Variants in MGAT4C observed in about 807,000 individuals in gnomAD.
MGAT4C encodes the protein MGAT4 family member C.
A neutral mutation model predicts 40.1 loss-of-function variants in MGAT4C; 19 were observed. That is an observed-to-expected ratio of 0.47 (90% CI 0.33 to 0.70). MGAT4C has a LOEUF of 0.70. Ranked by LOEUF, MGAT4C falls within the 30% of genes least tolerant of loss-of-function variation. The pLI is 0.02. For missense variants in MGAT4C, 491 were observed against 563.2 expected (o/e 0.87, Z 1.30); for synonymous variants, 181 against 187.1 (o/e 0.97, Z 0.27).
intron 2 of MGAT4C, among the ~76,000 whole-genome samples, chr12:86,660,296 G>A (rs755451307): frequency 1.5e-4 from 23 of 152,278 alleles, no homozygotes; most frequent in Non-Finnish European, 3.2e-4. Flanking sequence ...CCCCTAGATT[G>A]TACTGTGGAT....
At chr12:86,806,449 TGAGA>T (rs1555231911) in intron 1 of MGAT4C, among the ~76,000 whole-genome samples, 92 of 150,068 alleles carry the variant, frequency 6.1e-4, no homozygotes, top group African/African-American at 3.2e-4. Context: ...TGTGTGTGTG[TGAGA>T]GAGAGAGTAT....
intron 1 of MGAT4C, among the ~76,000 whole-genome samples, chr12:86,083,951 A>G (rs748630478): frequency 1.8e-4 from 27 of 152,178 alleles, no homozygotes; most frequent in Non-Finnish European, 3.5e-4. Context: ...ACTCATGTTG[A>G]ACAGAGGTGT....
intron 1 of MGAT4C, among the ~76,000 whole-genome samples, chr12:86,758,925 A>T (rs889139641): frequency 2.6e-5 from 4 of 152,052 alleles, no homozygotes; most frequent in African/African-American, 9.7e-5. Context: ...CTGTTTTGAA[A>T]TATATACTGC....
chr12:86,244,283 C>T (rs1951922273), intron 1 of MGAT4C, among the ~76,000 whole-genome samples: 1 of 152,162 alleles, frequency 6.6e-6, no homozygotes, highest in African/African-American at 2.4e-5. Flanking sequence ...AGCTCGAGGG[C>T]TGTGTCAGAA....
rs543713372 is a variant in MGAT4C at position 86,793,723 on chromosome 12, T to C, written c.-262+44943A>G. 1.8e-4 allele frequency among the ~76,000 whole-genome samples: 27 copies of C among 152,118 alleles called. No individual in the cohort carries two copies. In the South Asian group the frequency reaches 5.6e-3, roughly 31 times the overall value. ...TCTCTCATAATTATTAATGTATTCA[T>C]TAAATTTACTTATTTATTGTTCAAA... On this transcript the variant is annotated intron_variant, in intron 1 of 7. Transcript: ENST00000548651.
chr12:86,803,801 C>T (rs1187071049), intron 1 of MGAT4C, among the ~76,000 whole-genome samples: 1 of 149,806 alleles, frequency 6.7e-6, no homozygotes, highest in East Asian at 2.0e-4. Context: ...AATAGGAACA[C>T]TTTTACACTG....
intron 1 of MGAT4C, among the ~76,000 whole-genome samples, chr12:86,052,630 A>G (rs1893000017): frequency 6.6e-6 from 1 of 151,980 alleles, no homozygotes. Context: ...GATTGGGAAC[A>G]CAAAACATGA....
intron 1 of MGAT4C, among the ~76,000 whole-genome samples, chr12:86,229,266 G>A (rs1182824265): frequency 1.3e-5 from 2 of 151,778 alleles, no homozygotes; most frequent in African/African-American, 2.4e-5. Flanking sequence ...ACATTGAATT[G>A]CAAGAATAAT....
chr12:86,176,341 A>G (rs1446374067), intron 1 of MGAT4C, among the ~76,000 whole-genome samples: 1 of 152,264 alleles, frequency 6.6e-6, no homozygotes, highest in African/African-American at 2.4e-5. Flanking sequence ...TGATAATCCA[A>G]TTCAGGATTC....
intron 2 of MGAT4C, among the ~76,000 whole-genome samples, chr12:86,636,812 C>G (rs1206335024): frequency 6.6e-6 from 1 of 151,858 alleles, no homozygotes; most frequent in Non-Finnish European, 1.5e-5. Context: ...TTAAAGAGTA[C>G]TAGAGATTAT....
In MGAT4C at chr12:86,800,772, G is replaced by C. The variant is rs187359428; in HGVS notation, c.-262+37894C>G. On this transcript the variant is annotated intron_variant, in intron 1 of 7. Transcript: ENST00000548651. ...AGAGTATTGAAAAGAGCCTGACAAA[G>C]ACTTTCTCCATGACCAAAATTTTGT... is the stretch of plus-strand genomic sequence containing the variant. Among the ~76,000 whole-genome samples, 951 of 151,996 alleles carry C rather than the reference G, an allele frequency of 6.3e-3. 6 individuals carry two copies. Among genetic ancestry groups the C allele is most frequent in the Non-Finnish European group, 8.8e-3 (597 of 67,906 alleles).
intron 2 of MGAT4C, among the ~76,000 whole-genome samples, chr12:86,631,878 T>C (rs1468567638): frequency 3.9e-5 from 6 of 152,096 alleles, no homozygotes; most frequent in East Asian, 1.9e-4. Flanking sequence ...CCAAAAGCAA[T>C]GGCAACAAAA....
rs543170511 is a variant in MGAT4C at position 86,345,040 on chromosome 12, T to C, written c.-119-10913A>G. Among the ~76,000 whole-genome samples the C allele has an allele frequency of 1.6e-3, 35 of 21,544 alleles. No individual in the cohort carries two copies. The South Asian group carries it at 0.1, about 63-fold the overall frequency. 14.1% of individuals were successfully genotyped at this position (21,544 alleles called of 152,430 possible). A position where few individuals can be genotyped will look rare whatever the true frequency, so the allele number is the denominator to read the frequency against. ...TATTTATGCATGATGTTTTAATGTGTTCCTTTTTTATTTTAAAATTTTAAC... is the reference window on the plus strand; with the variant it reads ...TATTTATGCATGATGTTTTAATGTGCTCCTTTTTTATTTTAAAATTTTAAC... On this transcript the variant is annotated intron_variant, in intron 3 of 7. Coordinates refer to the MGAT4C transcript ENST00000548651.
At position 86,278,178 on chromosome 12, in the gene MGAT4C, C is replaced by CTTT. The variant is rs57981698; in HGVS notation, c.-57+55884_-57+55886dup. On this transcript the variant is annotated intron_variant, in intron 4 of 7. Transcript: ENST00000548651. ...GAAATGGGATTAGTTTGTTGACTTC[C>CTTT]TTTTTTTTTTTTTTTTTTAAGATGG... Among the ~76,000 whole-genome samples the CTTT allele has an allele frequency of 3.0e-4, 30 of 99,950 alleles. 5 individuals carry two copies. The highest frequency in any genetic ancestry group is 6.2e-4 in the East Asian group (2 of 3,214). 65.6% of individuals were successfully genotyped at this position (99,950 alleles called of 152,430 possible). A position where few individuals can be genotyped will look rare whatever the true frequency, so the allele number is the denominator to read the frequency against.
intron 4 of MGAT4C, among the ~76,000 whole-genome samples, chr12:86,266,477 G>T (rs1340265669): frequency 2.6e-5 from 4 of 152,052 alleles, no homozygotes; most frequent in Admixed American, 6.6e-5. Flanking sequence ...TTGCATCCCT[G>T]GTGTAAAACC....
At chr12:86,358,950 T>C (rs1437943412) in intron 3 of MGAT4C, among the ~76,000 whole-genome samples, 1 of 152,140 alleles carries the variant, frequency 6.6e-6, no homozygotes, top group Non-Finnish European at 1.5e-5. Context: ...TATCCAGGAA[T>C]TGAACTCAGC....
intron 2 of MGAT4C, among the ~76,000 whole-genome samples, chr12:86,005,263 C>A (rs1887758858): frequency 6.6e-6 from 1 of 152,172 alleles, no homozygotes; most frequent in Admixed American, 6.5e-5. Context: ...TACTTTTGTA[C>A]ATATAATATT....
intron 1 of MGAT4C, among the ~76,000 whole-genome samples, chr12:86,094,103 A>G (rs1410314701): frequency 6.6e-6 from 1 of 152,178 alleles, no homozygotes; most frequent in Non-Finnish European, 1.5e-5. Flanking sequence ...AGGGGAAAAC[A>G]GGTAATGTGT....
intron 1 of MGAT4C, among the ~76,000 whole-genome samples, chr12:86,737,060 T>C (rs974761595): frequency 3.3e-5 from 5 of 151,578 alleles, no homozygotes; most frequent in African/African-American, 9.6e-5. Context: ...CAAATTATCT[T>C]GGCCCACTTT....
Sources: gnomAD v4.1 joint callset for allele counts (sites outside exome capture counted in the v4.1 genomes callset) on GRCh38, gnomAD v4.1.1 for gene constraint, MANE v1.5 for transcripts, NCBI Gene and HGNC (gene_info 2026-07-23, HGNC 2026-07-21) for gene names.